The following UMOD variants were observed in gnomAD, a reference collection of about 807,000 sequenced individuals.
UMOD encodes Tamm-Horsfall urinary glycoprotein.
In UMOD, 64 loss-of-function variants were observed where a neutral mutation model predicts 66.0. The ratio of observed to expected loss-of-function variants is 0.97; its 90% CI spans 0.79 to 1.19. The LOEUF is 1.19. Ranked by LOEUF, UMOD falls within the 50% of genes most tolerant of loss-of-function variation. UMOD has a pLI of 0.00. For synonymous variants in UMOD, 398 were observed against 352.7 expected, an observed-to-expected ratio of 1.13 and a Z score of -1.44; for missense variants, 764 against 850.9, an observed-to-expected ratio of 0.90 and a Z score of 1.27.
At chr16:20,341,483 T>C in intron 6 of UMOD, 147 bp from the exon 7 acceptor site, 10 of 1,439,454 alleles carry the variant, frequency 6.9e-6, no homozygotes, top group Non-Finnish European at 9.4e-6. Context: ...ACTGTTGCTT[T>C]GCAAACCGCA....
At chr16:20,352,795 T>C, upstream of UMOD, 1 of 1,167,674 alleles carries the variant, frequency 8.6e-7, no homozygotes, top group Non-Finnish European at 1.1e-6. Context: ...TCTAGTTCTG[T>C]TTTTTGATAT....
At chr16:20,341,466 C>A in intron 6 of UMOD, 130 bp from the exon 7 acceptor site, 1 of 1,521,114 alleles carries the variant, frequency 6.6e-7, no homozygotes, top group Non-Finnish European at 8.8e-7. Flanking sequence ...AAGAGTGGAA[C>A]CCACCAACTG....
At chr16:20,343,818 C>T (rs1596551669) in intron 6 of UMOD, among the ~76,000 whole-genome samples, 1 of 152,124 alleles carries the variant, frequency 6.6e-6, no homozygotes, top group Non-Finnish European at 1.5e-5. Context: ...TGACTCTGTC[C>T]CCCACTGGCC....
Position 20,333,342 on chromosome 16 carries a change from G to A in UMOD, c.1895C>T (p.Ser632Leu), listed in dbSNP as rs755705384. 26 of 1,613,264 alleles carry A rather than the reference G, an allele frequency of 1.6e-5. No individual in the cohort carries two copies. In the South Asian group the frequency reaches 1.8e-4, roughly 11 times the overall value. Residue 632 changes from serine to leucine, a missense_variant, in exon 11 of 11, where the codon TCG becomes TTG. Transcript: ENST00000396138. Reference protein sequence around the residue: ...LLKVWLPLLLSATLTLTFQ With the variant: ...LLKVWLPLLLLATLTLTFQ ...CTGAAAAGTCAGGGTCAAGGTGGCCGAGAGAAGCAGAGGCAGCCAGACTTT... is the reference window on the plus strand; with the variant it reads ...CTGAAAAGTCAGGGTCAAGGTGGCCAAGAGAAGCAGAGGCAGCCAGACTTT...
At chr16:20,337,257 C>T (rs2141634459) in intron 8 of UMOD, 34 bp downstream of exon 8, 1 of 1,613,404 alleles carries the variant, frequency 6.2e-7, no homozygotes, top group East Asian at 2.2e-5. Flanking sequence ...TCTTTGGTTA[C>T]AAGAGATGGG....
At chr16:20,344,716 C>T (rs1965445444) in intron 5 of UMOD, among the ~76,000 whole-genome samples, 1 of 152,140 alleles carries the variant, frequency 6.6e-6, no homozygotes, top group Admixed American at 6.5e-5. Context: ...ACAGCAATGA[C>T]CATTCATGCG....
intron 8 of UMOD, 54 bp downstream of exon 8, chr16:20,337,237 T>C: frequency 6.2e-7 from 1 of 1,603,454 alleles, no homozygotes; most frequent in South Asian, 1.1e-5. Flanking sequence ...GTTTTCTTTG[T>C]GGCCAAATGT....
chr16:20,344,189 G>T lies in UMOD; in HGVS notation c.1183-17C>A. On this transcript the variant is annotated splice_polypyrimidine_tract_variant and intron_variant, in intron 5 of 10. Coordinates refer to ENST00000396138, the MANE Select transcript of UMOD (RefSeq NM_003361.4). ...TTCATTCCTCTGTTGCAGGGAATGG[G>T]GGTGGAGGGGGGGTGGGGATGAGAG... 6.4e-7 allele frequency: 1 copy of T among 1,560,562 alleles called. No individual in the cohort carries two copies. The highest frequency in any genetic ancestry group is 8.8e-7 in the Non-Finnish European group (1 of 1,135,264).
chr16:20,352,359 G>T (rs1965941342), intron 1 of UMOD, among the ~76,000 whole-genome samples: 2 of 152,128 alleles, frequency 1.3e-5, no homozygotes, highest in Admixed American at 6.5e-5. Context: ...ACTGCATATT[G>T]TCACTGGGAT....
At chr16:20,354,719 G>A (rs1324681391), upstream of UMOD, among the ~76,000 whole-genome samples, 1 of 152,064 alleles carries the variant, frequency 6.6e-6, no homozygotes, top group African/African-American at 2.4e-5. Context: ...TAATCACCAT[G>A]CTTTCTAGTT....
intron 4 of UMOD, among the ~76,000 whole-genome samples, chr16:20,346,857 G>A (rs888648924): frequency 4.7e-5 from 7 of 149,412 alleles, no homozygotes; most frequent in African/African-American, 1.3e-4. Flanking sequence ...ACCCTAGAAC[G>A]TGAAGTATAA....
At chr16:20,334,129 T>G (rs1269815517) in intron 10 of UMOD, among the ~76,000 whole-genome samples, 1 of 151,932 alleles carries the variant, frequency 6.6e-6, no homozygotes, top group Non-Finnish European at 1.5e-5. Flanking sequence ...CACCTAGATT[T>G]TTAGACAATT....
intron 9 of UMOD, 104 bp downstream of exon 9, chr16:20,336,542 C>G (rs993622023): frequency 4.5e-6 from 5 of 1,108,072 alleles, no homozygotes; most frequent in Admixed American, 1.8e-5. Flanking sequence ...GCTCCCAGTT[C>G]TTCAGAGCTC....
intron 4 of UMOD, among the ~76,000 whole-genome samples, chr16:20,346,859 G>A (rs948232222): frequency 8.8e-5 from 13 of 148,528 alleles, no homozygotes; most frequent in Non-Finnish European, 1.8e-4. Flanking sequence ...CCTAGAACGT[G>A]AAGTATAATA....
chr16:20,348,890 G>T lies in UMOD; in HGVS notation c.411C>A (p.Cys137Ter). The T allele has an allele frequency of 6.4e-7, 1 of 1,554,902 alleles. No homozygotes were observed. Among genetic ancestry groups the T allele is most frequent in the Non-Finnish European group, 8.7e-7 (1 of 1,150,160 alleles). ...ATCCATCCCCCCGGTAGCCCGCGGG[G>T]CATACGCACAAGTAGCTGCCCACCA... ...VNVVGSYLCV[C>*]PAGYRGDGWH... The change falls in exon 3 of 11, where the codon TGC becomes TGA. Residue 137 changes from cysteine (C) to a stop codon, truncating the protein, a stop_gained. Transcript: ENST00000396138. LOFTEE classifies it high-confidence loss of function.
At chr16:20,352,663 G>A (rs1339166568) in intron 1 of UMOD, 26 bp downstream of exon 1, 1 of 1,231,480 alleles carries the variant, frequency 8.1e-7, no homozygotes, top group Non-Finnish European at 1.0e-6. Context: ...GCTGGGCTAG[G>A]AGAAGACAGC....
At chr16:20,344,492 A>C (rs991783724) in intron 5 of UMOD, among the ~76,000 whole-genome samples, 14 of 151,152 alleles carry the variant, frequency 9.3e-5, no homozygotes, top group African/African-American at 2.9e-4. Context: ...AATCCCAACT[A>C]CTCGGGAGGC....
In UMOD at chr16:20,337,360, T is replaced by C; in HGVS notation, c.1671A>G (p.Gly557=). 1 of 1,614,234 alleles carries C rather than the reference T, an allele frequency of 6.2e-7. No individual in the cohort carries two copies. Among genetic ancestry groups the C allele is most frequent in the Non-Finnish European group, 8.5e-7 (1 of 1,180,040 alleles). The change falls in exon 8 of 11, where the codon GGA becomes GGG. Residue 557 remains glycine, a synonymous_variant. Coordinates refer to ENST00000396138, the MANE Select transcript of UMOD (RefSeq NM_003361.4). ...AGTGCAGGTAGACTAGGTCATAGTT[T>C]CCAGCAAACCGGAACATCTGGACGG... ...RFSVQMFRFA[G]NYDLVYLHCE... is the part of the protein sequence containing the mutation.
In UMOD at chr16:20,335,507, T is replaced by C; in HGVS notation, c.1836A>G (p.Thr612=). 2 of 1,614,184 alleles carry C rather than the reference T, an allele frequency of 1.2e-6. No homozygotes were observed. The highest frequency in any genetic ancestry group is 1.7e-6 in the Non-Finnish European group (2 of 1,179,994). The part of the protein sequence containing the change: ...GPITRKGVQA[T]VSRAFSSLGL... ...CCAAGCTGCTAAAAGCCCTTGAGAC[T>C]GTGGCCTGGACACCTTTGGAGGAAA... Residue 612 remains threonine, a synonymous_variant, in exon 10 of 11, where the codon ACA becomes ACG. Transcript: ENST00000396138.
Sources: gnomAD v4.1 joint callset for allele counts (sites outside exome capture counted in the v4.1 genomes callset) on GRCh38, gnomAD v4.1.1 for gene constraint, MANE v1.5 for transcripts, NCBI Gene and HGNC (gene_info 2026-07-23, HGNC 2026-07-21) for gene names.